The following CRK variants were observed in gnomAD, a reference collection of about 807,000 sequenced individuals.
CRK encodes the protein adapter molecule crk.
CRK carries 4 observed loss-of-function variants against 29.8 expected under a neutral mutation model. The ratio of observed to expected loss-of-function variants is 0.13; its 90% CI spans 0.07 to 0.31. The LOEUF (loss-of-function observed/expected upper bound fraction) is 0.31. CRK is among the 10% of genes least tolerant of loss of function. The pLI is 1.00. For synonymous variants in CRK, 153 were observed against 164.9 expected, an observed-to-expected ratio of 0.93 and a Z score of 0.55; for missense variants, 274 against 396.5, an observed-to-expected ratio of 0.69 and a Z score of 2.62.
intron 1 of CRK, among the ~76,000 whole-genome samples, chr17:1,440,772 G>A (rs562179315): frequency 7.9e-5 from 12 of 152,202 alleles, no homozygotes; most frequent in East Asian, 3.9e-4. Flanking sequence ...GCAAGGTGGT[G>A]CATGTCTGTT....
chr17:1,430,294 C>A (rs2073826956), intron 2 of CRK, among the ~76,000 whole-genome samples: 1 of 150,872 alleles, frequency 6.6e-6, no homozygotes, highest in Admixed American at 6.6e-5. Flanking sequence ...AGAGTTCACC[C>A]ACCTCGACCT....
At chr17:1,449,057 G>C (rs2073998325) in intron 1 of CRK, among the ~76,000 whole-genome samples, 1 of 152,138 alleles carries the variant, frequency 6.6e-6, no homozygotes, top group African/African-American at 2.4e-5. Flanking sequence ...GCTTGGCCCA[G>C]CTGCCAGCCT....
In CRK at chr17:1,421,303, AG is replaced by A. The variant is rs2073722160; in HGVS notation, c.*2209del. On this transcript the variant is annotated 3_prime_UTR_variant, in exon 3 of 3. Coordinates refer to ENST00000300574, the MANE Select transcript of CRK (RefSeq NM_016823.4). ...TATCAAAGTCAAAGGAAAAGAAAATAGGAACATTCAAATCAGTTGTGACAAG... is the reference window on the plus strand; with the variant it reads ...TATCAAAGTCAAAGGAAAAGAAAATAGAACATTCAAATCAGTTGTGACAAG... 1 of 152,244 alleles carries A rather than the reference AG, an allele frequency of 6.6e-6. No individual in the cohort carries two copies. Among genetic ancestry groups the A allele is most frequent in the South Asian group, 2.1e-4 (1 of 4,832 alleles). 9.4% of individuals were successfully genotyped at this position (152,244 alleles called of 1,614,324 possible). A position where few individuals can be genotyped will look rare whatever the true frequency, so the allele number is the denominator to read the frequency against.
chr17:1,447,917 C>A (rs542821617), intron 1 of CRK, among the ~76,000 whole-genome samples: 1 of 152,086 alleles, frequency 6.6e-6, no homozygotes, highest in Non-Finnish European at 1.5e-5. Flanking sequence ...ACACCCGGCC[C>A]TCTTTTCCCT....
At chr17:1,450,058 T>A (rs943556967) in intron 1 of CRK, among the ~76,000 whole-genome samples, 5 of 151,868 alleles carry the variant, frequency 3.3e-5, no homozygotes, top group African/African-American at 1.2e-4. Flanking sequence ...AAAAATTAGC[T>A]GGGAGTGGTG....
rs1368540235 is a variant in CRK at position 1,430,382 on chromosome 17, A to G, written c.777+6238T>C. Among the ~76,000 whole-genome samples, 17 of 137,386 alleles carry G rather than the reference A, an allele frequency of 1.2e-4. 1 individual carries two copies. Among genetic ancestry groups the G allele is most frequent in the African/African-American group, 4.8e-4 (17 of 35,470 alleles). 90.1% of individuals were successfully genotyped at this position (137,386 alleles called of 152,430 possible). A position where few individuals can be genotyped will look rare whatever the true frequency, so the allele number is the denominator to read the frequency against. ...TTATTAGTATTATTTTTTGAGACAG[A>G]GTCTCGCTCTGTCGCCCAGGCTGGA... is the stretch of plus-strand genomic sequence containing the variant. On this transcript the variant is annotated intron_variant, in intron 2 of 2. Transcript: ENST00000300574.
In CRK at chr17:1,440,972, T is replaced by C. The variant is rs2073930756; in HGVS notation, c.242-3817A>G. On this transcript the variant is annotated intron_variant, in intron 1 of 2. Transcript: ENST00000300574. ...GTTGTTGTCTTGTGACAGAGTGGTC[T>C]GGCTCTGTCACCCAGGCGGGAGTGC... Among the ~76,000 whole-genome samples the C allele has an allele frequency of 3.9e-5, 6 of 152,248 alleles. No homozygotes were observed. The South Asian group carries it at 1.2e-3, about 31-fold the overall frequency.
chr17:1,445,738 C>G (rs538562348), intron 1 of CRK, among the ~76,000 whole-genome samples: 6 of 152,234 alleles, frequency 3.9e-5, no homozygotes, highest in African/African-American at 1.4e-4. Context: ...CTTAGCACTG[C>G]CTGGTCAAGA....
At chr17:1,450,927 T>C (rs1434818151) in intron 1 of CRK, among the ~76,000 whole-genome samples, 1 of 151,632 alleles carries the variant, frequency 6.6e-6, no homozygotes, top group African/African-American at 2.4e-5. Flanking sequence ...GCGCGGTGGC[T>C]CACACCTGTA....
intron 1 of CRK, among the ~76,000 whole-genome samples, chr17:1,440,627 AAAC>A (rs2073927820): frequency 6.6e-6 from 1 of 151,722 alleles, no homozygotes; most frequent in South Asian, 2.1e-4. Flanking sequence ...AAAAAACAAA[AAAC>A]AAGCCGGGCA....
At chr17:1,427,369 A>G (rs2073791340) in intron 2 of CRK, among the ~76,000 whole-genome samples, 1 of 151,638 alleles carries the variant, frequency 6.6e-6, no homozygotes, top group African/African-American at 2.4e-5. Context: ...TGAGGGCGGC[A>G]GATCATGAGG....
In CRK at chr17:1,443,341, A is replaced by G. The variant is rs185213187; in HGVS notation, c.242-6186T>C. Among the ~76,000 whole-genome samples, 814 of 152,092 alleles carry G rather than the reference A, an allele frequency of 5.4e-3. 5 individuals carry two copies. The highest frequency in any genetic ancestry group is 8.4e-3 in the African/African-American group (348 of 41,508). On this transcript the variant is annotated intron_variant, in intron 1 of 2. Coordinates refer to ENST00000300574, the MANE Select transcript of CRK (RefSeq NM_016823.4). Reference sequence around the variant, plus strand: ...AGTCTCAGCCTCCCAAATAGCTGGGACTATAGGCACAAGCCACCCACCAAC... The same window carrying G: ...AGTCTCAGCCTCCCAAATAGCTGGGGCTATAGGCACAAGCCACCCACCAAC...
At chr17:1,452,068 C>T (rs2074022504) in intron 1 of CRK, among the ~76,000 whole-genome samples, 1 of 152,148 alleles carries the variant, frequency 6.6e-6, no homozygotes, top group African/African-American at 2.4e-5. Flanking sequence ...ATACGGACCT[C>T]TATGTGCACT....
At chr17:1,431,053 T>C (rs369749010) in intron 2 of CRK, among the ~76,000 whole-genome samples, 15 of 146,452 alleles carry the variant, frequency 1.0e-4, no homozygotes, top group South Asian at 4.4e-4. Flanking sequence ...GGCGACAGAG[T>C]GAGACTCCGT....
intron 1 of CRK, among the ~76,000 whole-genome samples, chr17:1,453,207 T>G (rs1329238380): frequency 6.6e-6 from 1 of 152,200 alleles, no homozygotes; most frequent in African/African-American, 2.4e-5. Context: ...ATCCATAAAC[T>G]TTGGCAATCT....
At position 1,446,719 on chromosome 17, in the gene CRK, G is replaced by C. The variant is rs949009479; in HGVS notation, c.241+9158C>G. ...CCATTCTCCTGCCTCAGCCTCCCGAGCAGCTGGGACTACAGGTGCCCGCCA... is the reference window on the plus strand; with the variant it reads ...CCATTCTCCTGCCTCAGCCTCCCGACCAGCTGGGACTACAGGTGCCCGCCA... On this transcript the variant is annotated intron_variant, in intron 1 of 2. Coordinates refer to ENST00000300574, the MANE Select transcript of CRK (RefSeq NM_016823.4). 4.0e-5 allele frequency among the ~76,000 whole-genome samples: 6 copies of C among 150,872 alleles called. No individual in the cohort carries two copies. In the South Asian group the frequency reaches 1.3e-3, roughly 32 times the overall value.
At chr17:1,431,067 A>AAAAT (rs1555652397) in intron 2 of CRK, among the ~76,000 whole-genome samples, 1 of 150,570 alleles carries the variant, frequency 6.6e-6, no homozygotes, top group Non-Finnish European at 1.5e-5. Context: ...ACTCCGTCTC[A>AAAAT]AAACAAACAA....
At chr17:1,438,815 G>A (rs1016998677) in intron 1 of CRK, among the ~76,000 whole-genome samples, 11 of 151,582 alleles carry the variant, frequency 7.3e-5, no homozygotes, top group Admixed American at 1.3e-4. Flanking sequence ...CAAACAAAAC[G>A]AGTAAATTCA....
At chr17:1,446,857 T>C (rs1020182316) in intron 1 of CRK, among the ~76,000 whole-genome samples, 17 of 151,834 alleles carry the variant, frequency 1.1e-4, no homozygotes, top group Non-Finnish European at 2.5e-4. Context: ...CCTCCCAAAG[T>C]GCTGGGATTA....
Sources: allele counts gnomAD v4.1 joint callset (sites outside exome capture counted in the v4.1 genomes callset), GRCh38; gene constraint gnomAD v4.1.1; transcripts MANE v1.5; gene names NCBI Gene and HGNC (gene_info 2026-07-23, HGNC 2026-07-21).